PCDHA2: variants seen among roughly 807,000 people sequenced by gnomAD.
PCDHA2 encodes the protein protocadherin alpha 2.
Under a neutral mutation model 66.0 loss-of-function variants are expected in PCDHA2, and 58 were observed. The ratio of observed to expected loss-of-function variants is 0.88; its 90% CI spans 0.71 to 1.09. The LOEUF is 1.09. PCDHA2 is among the 50% of genes least tolerant of loss of function. The probability of loss-of-function intolerance (pLI) is 0.00; values close to 1 mark genes in which losing one functional copy is unlikely to be tolerated. For missense variants in PCDHA2, 1,267 were observed against 1,242.3 expected (o/e 1.02, Z -0.30); for synonymous variants, 634 against 554.0 (o/e 1.14, Z -2.03).
At chr5:140,910,213 G>C (rs1375224674) in intron 1 of PCDHA2, among the ~76,000 whole-genome samples, 1 of 152,170 alleles carries the variant, frequency 6.6e-6, no homozygotes, top group African/African-American at 2.4e-5. Flanking sequence ...TGACCTGGAA[G>C]TTTTCTGCTT....
rs1490368496 is a variant in PCDHA2, at chr5:140,848,582, C to T, written c.2388+51230C>T. ...TCGCAATGTGGGTGGTGGGGAGCGG[C>T]CAGCTCCACTACTCCGTCCCGGAGG... is the stretch of plus-strand genomic sequence containing the variant. On this transcript the variant is annotated intron_variant, in intron 1 of 3. Transcript: ENST00000526136. 1.7e-5 allele frequency: 27 copies of T among 1,595,002 alleles called. 2 individuals carry two copies. Among genetic ancestry groups the T allele is most frequent in the African/African-American group, 6.7e-5 (5 of 74,374 alleles).
At chr5:140,866,876 T>A (rs1554160645) in intron 1 of PCDHA2, 2 of 152,134 alleles carry the variant, frequency 1.3e-5, no homozygotes, top group African/African-American at 4.8e-5. Context: ...CTTCTTGGTA[T>A]TAGCCTATAC....
intron 3 of PCDHA2, among the ~76,000 whole-genome samples, chr5:140,998,973 G>A (rs572810777): frequency 1.3e-5 from 2 of 152,352 alleles, no homozygotes; most frequent in African/African-American, 2.4e-5. Flanking sequence ...TAGTATCCTA[G>A]AAAATAGTAG....
intron 1 of PCDHA2, among the ~76,000 whole-genome samples, chr5:140,915,626 G>GTTTCTC (rs149393620): frequency 6.8e-6 from 1 of 146,436 alleles, no homozygotes; most frequent in African/African-American, 2.5e-5. Context: ...GTCTCTTTCT[G>GTTTCTC]TCTCTCTCTC....
At chr5:140,996,836 C>T (rs1247616398) in intron 3 of PCDHA2, among the ~76,000 whole-genome samples, 43 of 152,096 alleles carry the variant, frequency 2.8e-4, no homozygotes, top group African/African-American at 1.0e-3. Flanking sequence ...AATAATTTAG[C>T]GTGCATCTTC....
At chr5:140,937,836 T>C (rs2091788765) in intron 1 of PCDHA2, among the ~76,000 whole-genome samples, 1 of 150,366 alleles carries the variant, frequency 6.7e-6, no homozygotes, top group Non-Finnish European at 1.5e-5. Flanking sequence ...GGCATGAACC[T>C]GGAAGGCGGA....
intron 1 of PCDHA2, chr5:140,856,664 C>T (rs782626089): frequency 6.3e-7 from 1 of 1,598,020 alleles, no homozygotes; most frequent in Non-Finnish European, 8.6e-7. Context: ...AGAAAATCCT[C>T]AGCTAAAGTT....
chr5:140,883,558 G>A, intron 1 of PCDHA2: 2 of 1,614,190 alleles, frequency 1.2e-6, no homozygotes, highest in South Asian at 1.1e-5. Context: ...CGCGGGACGG[G>A]GGCTCGCCTT....
chr5:140,969,310 T>C, intron 1 of PCDHA2: 2 of 1,614,198 alleles, frequency 1.2e-6, no homozygotes, highest in East Asian at 2.2e-5. Context: ...TTCTCAAAAA[T>C]GAGGCTGTTT....
intron 1 of PCDHA2, among the ~76,000 whole-genome samples, chr5:140,931,054 G>A (rs2087273007): frequency 6.6e-6 from 1 of 152,180 alleles, no homozygotes; most frequent in Admixed American, 6.5e-5. Context: ...CTTCAATGCT[G>A]TGTCTGGGAC....
In PCDHA2 at chr5:140,797,123, C is replaced by T. The variant is rs1173603026; in HGVS notation, c.2159C>T (p.Ala720Val). Residue 720 changes from alanine to valine, a missense_variant, in exon 1 of 4, where the codon GCG (alanine) becomes GTG (valine). Transcript: ENST00000526136. ...LLVLTVLLYT[A>V]LRCSVPPTEG... ...GTGCTCACGGTGCTGCTGTACACTG[C>T]GCTGCGGTGCTCGGTGCCACCCACC... 7 of 1,613,900 alleles carry T rather than the reference C, an allele frequency of 4.3e-6. No homozygotes were observed. Among genetic ancestry groups the T allele is most frequent in the African/African-American group, 4.0e-5 (3 of 74,936 alleles).
At chr5:140,823,007 C>T in intron 1 of PCDHA2, 2 of 1,614,244 alleles carry the variant, frequency 1.2e-6, no homozygotes, top group Non-Finnish European at 1.7e-6. Flanking sequence ...CTGGACAGCG[C>T]CCTGGACCGC....
chr5:140,818,335 A>T (rs2150050058), intron 1 of PCDHA2, among the ~76,000 whole-genome samples: 1 of 152,330 alleles, frequency 6.6e-6, no homozygotes, highest in South Asian at 2.1e-4. Flanking sequence ...TTGTTATTCT[A>T]GGCCACTGTC....
rs137875021 is a variant in PCDHA2, at chr5:140,942,837, A to C, written c.2389-36112A>C. Among the ~76,000 whole-genome samples, 666 of 152,296 alleles carry C rather than the reference A, an allele frequency of 4.4e-3. 3 individuals are homozygous for C. Among genetic ancestry groups the C allele is most frequent in the African/African-American group, 0.016 (646 of 41,564 alleles). On this transcript the variant is annotated intron_variant, in intron 1 of 3. Transcript: ENST00000526136. ...TTGGATTTGGCCCTGTGTCAATAAA[A>C]ATTCCAGTAAGATGATTATTTTGCT...
At chr5:140,904,116 T>C (rs1233566335) in intron 1 of PCDHA2, among the ~76,000 whole-genome samples, 3 of 152,180 alleles carry the variant, frequency 2.0e-5, no homozygotes, top group African/African-American at 7.2e-5. Context: ...TTGCTGAGAT[T>C]TTGGTGCACC....
rs1432182351 is a variant in PCDHA2 at position 140,843,140 on chromosome 5, C to T, written c.2388+45788C>T. 4 of 1,596,022 alleles carry T rather than the reference C, an allele frequency of 2.5e-6. No homozygotes were observed. The East Asian group carries it at 8.9e-5, about 36-fold the overall frequency. On this transcript the variant is annotated intron_variant, in intron 1 of 3. Transcript: ENST00000526136. The stretch of plus-strand genomic sequence containing the variant: ...CGCCGACTCGGGCTACAACGCGTGG[C>T]TTTCGTATGAGCTGCAGCCAGCTGC...
chr5:140,941,402 C>T (rs544909478), intron 1 of PCDHA2, among the ~76,000 whole-genome samples: 12 of 149,674 alleles, frequency 8.0e-5, no homozygotes, highest in African/African-American at 2.5e-4. Flanking sequence ...CTGCAACCTC[C>T]GCCTCCCGGG....
intron 3 of PCDHA2, among the ~76,000 whole-genome samples, chr5:140,999,166 A>G (rs2097849848): frequency 6.6e-6 from 1 of 152,190 alleles, no homozygotes; most frequent in South Asian, 2.1e-4. Context: ...CTAGAAGGAA[A>G]AGAGCCTGAT....
intron 1 of PCDHA2, among the ~76,000 whole-genome samples, chr5:140,962,126 C>T (rs1429316991): frequency 6.6e-6 from 1 of 152,094 alleles, no homozygotes; most frequent in African/African-American, 2.4e-5. Flanking sequence ...ACCTTGGCCT[C>T]GGCCTCCCAA....
Sources: gnomAD v4.1 joint callset for allele counts (sites outside exome capture counted in the v4.1 genomes callset) on GRCh38, gnomAD v4.1.1 for gene constraint, MANE v1.5 for transcripts, NCBI Gene and HGNC (gene_info 2026-07-23, HGNC 2026-07-21) for gene names.